MARCHF1: variants seen among roughly 807,000 people sequenced by gnomAD.
MARCHF1 encodes membrane associated ring-CH-type finger 1.
MARCHF1 carries 40 observed loss-of-function variants against 54.2 expected under a neutral mutation model. The ratio of observed to expected loss-of-function variants is 0.74; its 90% CI spans 0.57 to 0.96. The LOEUF is 0.96. Among genes scored for constraint, MARCHF1 ranks in the 40% least tolerant of loss-of-function variants. The probability of loss-of-function intolerance (pLI) is 0.00; values close to 1 mark genes in which losing one functional copy is unlikely to be tolerated. For missense variants in MARCHF1, 586 were observed against 656.5 expected (o/e 0.89, Z 1.17); for synonymous variants, 236 against 236.3 (o/e 1.00, Z 0.01).
At chr4:164,088,103 G>C (rs1208736384) in intron 2 of MARCHF1, among the ~76,000 whole-genome samples, 2 of 152,120 alleles carry the variant, frequency 1.3e-5, no homozygotes, top group Non-Finnish European at 2.9e-5. Flanking sequence ...AGTTAATTTA[G>C]ACATTTGAAA....
intron 1 of MARCHF1, among the ~76,000 whole-genome samples, chr4:164,202,301 AC>A (rs1339201802): frequency 2.0e-5 from 3 of 152,192 alleles, no homozygotes; most frequent in Non-Finnish European, 4.4e-5. Flanking sequence ...CATAATCTAT[AC>A]CAAAACCCAA....
intron 3 of MARCHF1, among the ~76,000 whole-genome samples, chr4:163,904,523 G>A (rs1360516794): frequency 1.3e-5 from 2 of 152,178 alleles, no homozygotes; most frequent in African/African-American, 2.4e-5. Context: ...CCATCAGGAA[G>A]GTCTAACCAG....
intron 7 of MARCHF1, among the ~76,000 whole-genome samples, chr4:163,587,017 C>T (rs985472990): frequency 7.2e-5 from 11 of 152,102 alleles, no homozygotes; most frequent in African/African-American, 2.4e-4. Flanking sequence ...AATTTGAGTA[C>T]AGAAAATCCT....
chr4:164,330,631 C>T lies in MARCHF1; in HGVS notation c.-323+53239G>A, dbSNP rs1264726359. Among the ~76,000 whole-genome samples, 4 of 152,158 alleles carry T rather than the reference C, an allele frequency of 2.6e-5. No homozygotes were observed. In the East Asian group the frequency reaches 5.8e-4, roughly 22 times the overall value. Reference sequence around the variant, plus strand: ...CAAACATGATGATGTACTAAAGCTGCTGCAAGAACATGCCGAGGAACATGC... The same window carrying T: ...CAAACATGATGATGTACTAAAGCTGTTGCAAGAACATGCCGAGGAACATGC... On this transcript the variant is annotated intron_variant, in intron 1 of 9. Transcript: ENST00000514618.
At chr4:163,651,795 C>T (rs72991571) in intron 5 of MARCHF1, among the ~76,000 whole-genome samples, 1 of 144,772 alleles carries the variant, frequency 6.9e-6, no homozygotes, top group South Asian at 2.1e-4. Context: ...TCTCCATTTC[C>T]ACTTTTTTTT....
At chr4:164,236,311 C>T (rs1452533658) in intron 1 of MARCHF1, among the ~76,000 whole-genome samples, 1 of 152,026 alleles carries the variant, frequency 6.6e-6, no homozygotes, top group African/African-American at 2.4e-5. Flanking sequence ...TCATGTTTTT[C>T]TTGAAACACA....
chr4:163,718,028 C>G (rs536143714), intron 4 of MARCHF1, among the ~76,000 whole-genome samples: 3 of 152,216 alleles, frequency 2.0e-5, no homozygotes, highest in African/African-American at 7.2e-5. Context: ...CTCTGACAAA[C>G]CTGACAAAAA....
chr4:163,959,900 T>C (rs569672864), intron 3 of MARCHF1, among the ~76,000 whole-genome samples: 4 of 151,850 alleles, frequency 2.6e-5, no homozygotes, highest in African/African-American at 9.7e-5. Flanking sequence ...TGGGAGAAAA[T>C]ATTTGTAACT....
chr4:163,887,612 C>G (rs775333165), intron 3 of MARCHF1, among the ~76,000 whole-genome samples: 1 of 152,074 alleles, frequency 6.6e-6, no homozygotes, highest in Non-Finnish European at 1.5e-5. Context: ...AAGTATTGTC[C>G]TAGAATATGT....
chr4:164,126,748 A>C (rs904585190), intron 1 of MARCHF1, among the ~76,000 whole-genome samples: 3 of 152,150 alleles, frequency 2.0e-5, no homozygotes, highest in Non-Finnish European at 1.5e-5. Flanking sequence ...GGTAAATGCC[A>C]TTCTAACGAG....
At chr4:163,542,964 A>G (rs889489138) in intron 9 of MARCHF1, among the ~76,000 whole-genome samples, 3 of 152,118 alleles carry the variant, frequency 2.0e-5, no homozygotes, top group Non-Finnish European at 4.4e-5. Context: ...GTGGTGGTGG[A>G]CAAGAGAAGC....
At chr4:163,627,689 A>C (rs866219577) in intron 5 of MARCHF1, among the ~76,000 whole-genome samples, 4 of 152,046 alleles carry the variant, frequency 2.6e-5, no homozygotes, top group Middle Eastern at 3.4e-3. Context: ...GGAAAAAAAA[A>C]CCCTAAAAAT....
intron 1 of MARCHF1, among the ~76,000 whole-genome samples, chr4:164,331,349 T>C (rs1298539336): frequency 2.0e-5 from 3 of 151,936 alleles, no homozygotes; most frequent in Non-Finnish European, 4.4e-5. Context: ...TGGTGGCGAG[T>C]TAAAGTATTC....
In MARCHF1 at chr4:163,526,382, G is replaced by A. The variant is rs990102540; in HGVS notation, c.*2366C>T. 4 of 151,932 alleles carry A rather than the reference G, an allele frequency of 2.6e-5. No homozygotes were observed. Among genetic ancestry groups the A allele is most frequent in the African/African-American group, 9.7e-5 (4 of 41,334 alleles). 9.4% of individuals were successfully genotyped at this position (151,932 alleles called of 1,614,324 possible). Reference sequence around the variant, plus strand: ...TATTTTACTTTCAGAGCAAACAAAAGAGAAATCAACATTTCTTTGTTTGCT... The same window carrying A: ...TATTTTACTTTCAGAGCAAACAAAAAAGAAATCAACATTTCTTTGTTTGCT... On this transcript the variant is annotated 3_prime_UTR_variant, in exon 10 of 10. Transcript: ENST00000514618.
intron 9 of MARCHF1, among the ~76,000 whole-genome samples, chr4:163,532,350 A>T (rs1738382393): frequency 6.6e-6 from 1 of 151,910 alleles, no homozygotes; most frequent in Admixed American, 6.6e-5. Flanking sequence ...TAGTCTTTTT[A>T]ACAAATGGGT....
chr4:164,112,872 C>A (rs968651583), intron 1 of MARCHF1, among the ~76,000 whole-genome samples: 18 of 151,422 alleles, frequency 1.2e-4, no homozygotes, highest in African/African-American at 4.4e-4. Context: ...TAAAATAGGT[C>A]ATTGTTATTA....
intron 7 of MARCHF1, among the ~76,000 whole-genome samples, chr4:163,611,821 C>G (rs3792614): frequency 6.6e-6 from 1 of 151,976 alleles, no homozygotes; most frequent in Non-Finnish European, 1.5e-5. Context: ...AATTGGAGAA[C>G]AAATTAAAGC....
rs1204336326 is a variant in MARCHF1 at position 164,161,192 on chromosome 4, C to T, written c.-322-49530G>A. Among the ~76,000 whole-genome samples the T allele has an allele frequency of 3.9e-5, 6 of 152,152 alleles. No individual in the cohort carries two copies. The East Asian group carries it at 5.8e-4, about 15-fold the overall frequency. On this transcript the variant is annotated intron_variant, in intron 1 of 9. Transcript: ENST00000514618. ...GCATCATCACCCTTGGTTCTGTCCT[C>T]GTGATAGGGAGTGAGTTGTTCTGCG...
At chr4:163,624,731 G>A (rs1741810753) in intron 5 of MARCHF1, among the ~76,000 whole-genome samples, 1 of 152,228 alleles carries the variant, frequency 6.6e-6, no homozygotes, top group Admixed American at 6.5e-5. Context: ...GAGTGTCCTA[G>A]TTGTAGGTCT....
Sources: gnomAD v4.1 joint callset for allele counts (sites outside exome capture counted in the v4.1 genomes callset) on GRCh38, gnomAD v4.1.1 for gene constraint, MANE v1.5 for transcripts, NCBI Gene and HGNC (gene_info 2026-07-23, HGNC 2026-07-21) for gene names.